Variants in FAAP20 observed in about 807,000 individuals in gnomAD.
The protein encoded by FAAP20 is FA core complex associated protein 20, also known as Fanconi anemia core complex-associated protein 20.
In FAAP20, 12 loss-of-function variants were observed where a neutral mutation model predicts 16.2. The observed-to-expected ratio is 0.74, with a 90% CI of 0.48 to 1.20. The LOEUF (loss-of-function observed/expected upper bound fraction) is 1.20. Ranked by LOEUF, FAAP20 falls within the 50% of genes most tolerant of loss-of-function variation. The probability of loss-of-function intolerance (pLI) is 0.00; values close to 1 mark genes in which losing one functional copy is unlikely to be tolerated. For missense variants in FAAP20, 288 were observed against 245.8 expected, an observed-to-expected ratio of 1.17 and a Z score of -1.15; for synonymous variants, 141 against 110.7, an observed-to-expected ratio of 1.27 and a Z score of -1.72.
chr1:2,198,859 C>T (rs929405169), upstream of FAAP20: 1 of 1,289,778 alleles, frequency 7.8e-7, no homozygotes, highest in Admixed American at 2.3e-5. Context: ...GCAGGCACGC[C>T]CACCCATAGC....
chr1:2,201,080 G>T, upstream of FAAP20: 1 of 1,289,390 alleles, frequency 7.8e-7, no homozygotes, highest in African/African-American at 1.5e-5. Flanking sequence ...CTTGTCATAG[G>T]AAACTGTGCT....
downstream of FAAP20, among the ~76,000 whole-genome samples, chr1:2,211,779 T>G (rs1020830339): frequency 6.6e-6 from 1 of 150,658 alleles, no homozygotes; most frequent in Non-Finnish European, 1.5e-5. Context: ...GAGACGGGGT[T>G]TCATCATGTT....
At chr1:2,189,023 A>AC (rs1193246420), downstream of FAAP20, among the ~76,000 whole-genome samples, 49 of 140,534 alleles carry the variant, frequency 3.5e-4, 1 homozygote, top group African/African-American at 8.4e-4. Flanking sequence ...AAAAAAAAAA[A>AC]AAAAACAAAA....
downstream of FAAP20, chr1:2,184,818 T>G (rs1308971413): frequency 3.6e-6 from 5 of 1,377,046 alleles, no homozygotes; most frequent in East Asian, 1.2e-4. Context: ...GTGTCATCTC[T>G]CCAGTGGGCG....
chr1:2,206,825 T>C (rs1414494546), intron 1 of FAAP20, among the ~76,000 whole-genome samples: 2 of 131,966 alleles, frequency 1.5e-5, no homozygotes, highest in South Asian at 2.6e-4. Context: ...GGAGCGAGAC[T>C]GTCTCAAAAA....
downstream of FAAP20, chr1:2,184,956 G>A (rs144015632): frequency 1.7e-5 from 28 of 1,613,846 alleles, no homozygotes; most frequent in Middle Eastern, 4.9e-4. Flanking sequence ...GTCAGAGTTC[G>A]AAGGCTTTGA....
chr1:2,203,694 A>AGAG (rs1467074178), upstream of FAAP20: 3 of 968,944 alleles, frequency 3.1e-6, no homozygotes, highest in Non-Finnish European at 1.2e-6. Context: ...GAGTTGCCTC[A>AGAG]AATCCCCTGT....
At chr1:2,198,050 C>CTGGTGA, upstream of FAAP20, 1 of 1,291,546 alleles carries the variant, frequency 7.7e-7, no homozygotes, top group Non-Finnish European at 1.0e-6. Context: ...CACAGCGGTG[C>CTGGTGA]TGGTGATGGT....
At chr1:2,198,332 G>A (rs1276460997), upstream of FAAP20, 12 of 469,292 alleles carry the variant, frequency 2.6e-5, no homozygotes, top group Admixed American at 1.9e-4. Flanking sequence ...CCTGCAGACC[G>A]GTGGGCTAGG....
chr1:2,198,320 C>T, upstream of FAAP20: 7 of 512,936 alleles, frequency 1.4e-5, no homozygotes, highest in Non-Finnish European at 2.2e-5. Flanking sequence ...CCTACTCCCG[C>T]ACCTGCAGAC....
downstream of FAAP20, among the ~76,000 whole-genome samples, chr1:2,211,435 ATTTTTTTTTTTTT>A (rs1164460550): frequency 1.2e-4 from 1 of 8,562 alleles, no homozygotes; most frequent in Non-Finnish European, 1.6e-4. Context: ...ATATATATAT[ATTTTTTTTTTTTT>A]TTTTTTTTTT....
upstream of FAAP20, chr1:2,194,861 G>C (rs1484379876): frequency 7.5e-6 from 7 of 932,590 alleles, no homozygotes; most frequent in African/African-American, 1.3e-4. Context: ...CCCCCTCCGA[G>C]ACAGTCGGAA....
At chr1:2,197,187 G>T (rs1688860907), upstream of FAAP20, among the ~76,000 whole-genome samples, 1 of 152,232 alleles carries the variant, frequency 6.6e-6, no homozygotes, top group Admixed American at 6.5e-5. Flanking sequence ...ACACCTGTGT[G>T]TGGCTGCTGC....
downstream of FAAP20, among the ~76,000 whole-genome samples, chr1:2,208,588 C>T (rs547920398): frequency 5.3e-5 from 8 of 152,272 alleles, no homozygotes; most frequent in Non-Finnish European, 1.2e-4. Context: ...GTACAGGTGG[C>T]CCCAGCACCC....
downstream of FAAP20, among the ~76,000 whole-genome samples, chr1:2,210,063 GGCCCTGCCTAGT>G: frequency 6.6e-6 from 1 of 152,314 alleles, no homozygotes; most frequent in East Asian, 1.9e-4. Context: ...TGGGGGAAAA[GGCCCTGCCTAGT>G]GCCCTGTGGC....
At chr1:2,185,270 G>T, downstream of FAAP20, 1 of 716,322 alleles carries the variant, frequency 1.4e-6, no homozygotes, top group Non-Finnish European at 2.6e-6. Flanking sequence ...ACCCTGCCGA[G>T]GGGGCTGTCA....
intron 3 of FAAP20, chr1:2,191,658 T>C: frequency 5.2e-6 from 1 of 191,042 alleles, no homozygotes; most frequent in Non-Finnish European, 9.6e-6. Flanking sequence ...GGAGAATCGC[T>C]TGAACCCGGG....
At chr1:2,190,193 G>A in intron 3 of FAAP20, 1 of 469,028 alleles carries the variant, frequency 2.1e-6, no homozygotes. Context: ...AGGCAGAAGA[G>A]TAAACATGGC....
chr1:2,211,436 T>TATATATATATA (rs1491468080), downstream of FAAP20, among the ~76,000 whole-genome samples: 3 of 7,444 alleles, frequency 4.0e-4, no homozygotes, highest in African/African-American at 8.3e-4. Flanking sequence ...TATATATATA[T>TATATATATATA]TTTTTTTTTT....
Sources: allele counts gnomAD v4.1 joint callset (sites outside exome capture counted in the v4.1 genomes callset), GRCh38; gene constraint gnomAD v4.1.1; transcripts MANE v1.5; gene names NCBI Gene and HGNC (gene_info 2026-07-23, HGNC 2026-07-21).